The following PDE4D variants were observed in gnomAD, a reference collection of about 807,000 sequenced individuals.
PDE4D encodes 3',5'-cyclic-AMP phosphodiesterase 4D.
PDE4D carries 24 observed loss-of-function variants against 87.4 expected under a neutral mutation model. The observed-to-expected ratio is 0.27, with a 90% CI of 0.20 to 0.39. The LOEUF is 0.39. Among genes scored for constraint, PDE4D ranks in the 10% least tolerant of loss-of-function variants. The probability of loss-of-function intolerance (pLI) is 1.00; values close to 1 mark genes in which losing one functional copy is unlikely to be tolerated. For synonymous variants in PDE4D, 384 were observed against 383.2 expected (o/e 1.00, Z -0.02); for missense variants, 714 against 1,041.0 (o/e 0.69, Z 4.32).
At chr5:60,017,681 T>A (rs763183267) in intron 2 of PDE4D, among the ~76,000 whole-genome samples, 1 of 152,244 alleles carries the variant, frequency 6.6e-6, no homozygotes, top group Admixed American at 6.5e-5. Context: ...CATATTTTCT[T>A]TATGCAGTCT....
intron 11 of PDE4D, among the ~76,000 whole-genome samples, chr5:58,986,871 A>C (rs1746552483): frequency 6.6e-6 from 1 of 152,148 alleles, no homozygotes; most frequent in South Asian, 2.1e-4. Flanking sequence ...TTGTCTTCTA[A>C]ATCTACTCTT....
intron 1 of PDE4D, among the ~76,000 whole-genome samples, chr5:59,423,772 A>C (rs900606108): frequency 6.6e-6 from 1 of 151,994 alleles, no homozygotes; most frequent in Non-Finnish European, 1.5e-5. Flanking sequence ...ACAAGGATGC[A>C]GAGATGTGGA....
chr5:59,415,251 A>T (rs1793403118), intron 1 of PDE4D, among the ~76,000 whole-genome samples: 1 of 152,146 alleles, frequency 6.6e-6, no homozygotes, highest in African/African-American at 2.4e-5. Context: ...GAAAAATAGC[A>T]ATGTCCTGAA....
chr5:60,303,752 G>A lies in PDE4D; in HGVS notation c.-89-118065C>T, dbSNP rs189990084. On this transcript the variant is annotated intron_variant, in intron 1 of 16. Coordinates refer to the PDE4D transcript ENST00000502484. ...TTTTGAGTCAGTGCTGTATGGCAAT[G>A]AAAAGAACGTATATTCTGTTGTTTT... 4.1e-3 allele frequency among the ~76,000 whole-genome samples: 623 copies of A among 152,298 alleles called. 6 individuals are homozygous for A. The highest frequency in any genetic ancestry group is 6.3e-3 in the Admixed American group (97 of 15,304).
chr5:59,395,255 T>G (rs1364616046), intron 1 of PDE4D, among the ~76,000 whole-genome samples: 1 of 152,214 alleles, frequency 6.6e-6, no homozygotes, highest in East Asian at 1.9e-4. Flanking sequence ...TGCGTGCTTC[T>G]GTAGGCTCCA....
chr5:59,729,460 T>C (rs555156093), intron 1 of PDE4D, among the ~76,000 whole-genome samples: 22 of 152,102 alleles, frequency 1.4e-4, no homozygotes, highest in Non-Finnish European at 2.8e-4. Flanking sequence ...TATCAAAGGA[T>C]AAATGCAGAG....
chr5:59,530,889 A>T (rs1023464044), intron 1 of PDE4D, among the ~76,000 whole-genome samples: 26 of 152,214 alleles, frequency 1.7e-4, no homozygotes, highest in African/African-American at 6.3e-4. Flanking sequence ...CTGTTGGTTG[A>T]TAATGATGTT....
intron 1 of PDE4D, among the ~76,000 whole-genome samples, chr5:60,202,524 A>G (rs557322491): frequency 2.0e-5 from 3 of 152,260 alleles, no homozygotes; most frequent in South Asian, 4.1e-4. Context: ...TTTAATATAC[A>G]ATACAACCTG....
At chr5:60,158,816 G>A (rs540809588) in intron 2 of PDE4D, among the ~76,000 whole-genome samples, 93 of 152,200 alleles carry the variant, frequency 6.1e-4, no homozygotes, top group East Asian at 1.7e-3. Flanking sequence ...TGATCCGCCC[G>A]CCTCGGCCTC....
At chr5:60,181,592 C>G (rs1208199502) in intron 2 of PDE4D, among the ~76,000 whole-genome samples, 1 of 152,204 alleles carries the variant, frequency 6.6e-6, no homozygotes, top group African/African-American at 2.4e-5. Context: ...CATAAGAATC[C>G]TAAGTCAAAT....
intron 5 of PDE4D, among the ~76,000 whole-genome samples, chr5:59,139,516 GTCTCAC>G (rs547851396): frequency 1.3e-5 from 2 of 152,260 alleles, no homozygotes; most frequent in African/African-American, 4.8e-5. Flanking sequence ...TTGAGACAGG[GTCTCAC>G]TGTCGCCTAG....
At chr5:59,549,413 C>T (rs563019226) in intron 1 of PDE4D, among the ~76,000 whole-genome samples, 14 of 152,244 alleles carry the variant, frequency 9.2e-5, no homozygotes, top group Admixed American at 3.3e-4. Context: ...GAGTGACATT[C>T]GTTTGATTAG....
intron 1 of PDE4D, among the ~76,000 whole-genome samples, chr5:59,853,159 C>T (rs923271911): frequency 2.0e-5 from 3 of 151,990 alleles, no homozygotes; most frequent in East Asian, 3.9e-4. Context: ...CAATGAAAAT[C>T]GTGATATGAA....
chr5:60,374,594 G>A (rs1745036626), intron 1 of PDE4D, among the ~76,000 whole-genome samples: 1 of 152,098 alleles, frequency 6.6e-6, no homozygotes, highest in South Asian at 2.1e-4. Flanking sequence ...TCCAGGGAAG[G>A]TCATCTCACT....
At chr5:59,755,295 G>A (rs1452820776) in intron 1 of PDE4D, among the ~76,000 whole-genome samples, 2 of 152,044 alleles carry the variant, frequency 1.3e-5, no homozygotes, top group African/African-American at 4.8e-5. Flanking sequence ...AATCTATTTT[G>A]CCTTGTTTAT....
At chr5:59,175,781 ATTTTTTTTT>A (rs57572403) in intron 5 of PDE4D, among the ~76,000 whole-genome samples, 3 of 94,592 alleles carry the variant, frequency 3.2e-5, no homozygotes, top group Non-Finnish European at 6.2e-5. Flanking sequence ...CCCGGCCTCC[ATTTTTTTTT>A]TTTTTTTTTT....
At chr5:59,730,281 G>A (rs890776721) in intron 1 of PDE4D, among the ~76,000 whole-genome samples, 23 of 152,054 alleles carry the variant, frequency 1.5e-4, no homozygotes, top group Admixed American at 2.6e-4. Context: ...GCAAAGCTTC[G>A]TAGATACTAA....
At chr5:59,869,959 T>A (rs1747582907) in intron 1 of PDE4D, among the ~76,000 whole-genome samples, 1 of 152,012 alleles carries the variant, frequency 6.6e-6, no homozygotes, top group Non-Finnish European at 1.5e-5. Context: ...CTGCCCGGAG[T>A]CCAGCTTCAA....
At chr5:59,621,340 T>C (rs1830329794) in intron 1 of PDE4D, among the ~76,000 whole-genome samples, 1 of 152,220 alleles carries the variant, frequency 6.6e-6, no homozygotes, top group South Asian at 2.1e-4. Flanking sequence ...TTATGTTTCC[T>C]GGAGTGAGCA....
Sources: allele counts gnomAD v4.1 joint callset (sites outside exome capture counted in the v4.1 genomes callset), GRCh38; gene constraint gnomAD v4.1.1; transcripts MANE v1.5; gene names NCBI Gene and HGNC (gene_info 2026-07-23, HGNC 2026-07-21).